The following PRKCB variants were observed in gnomAD, a reference collection of about 807,000 sequenced individuals.
The protein encoded by PRKCB is protein kinase C beta, also known as protein kinase C beta type.
In PRKCB, 13 loss-of-function variants were observed where a neutral mutation model predicts 81.5. The ratio of observed to expected loss-of-function variants is 0.16; its 90% confidence interval spans 0.10 to 0.25. The LOEUF is 0.25. Among genes scored for constraint, PRKCB ranks in the 10% least tolerant of loss-of-function variants. PRKCB has a pLI of 1.00. For missense variants in PRKCB, 509 were observed against 875.7 expected, an observed-to-expected ratio of 0.58 and a Z score of 5.29; for synonymous variants, 335 against 321.4, an observed-to-expected ratio of 1.04 and a Z score of -0.45.
intron 9 of PRKCB, among the ~76,000 whole-genome samples, chr16:24,148,245 A>G (rs150076556): frequency 6.6e-6 from 1 of 152,254 alleles, no homozygotes; most frequent in Non-Finnish European, 1.5e-5. Flanking sequence ...CAGCTTAACC[A>G]TCACTTCCCG....
In PRKCB at chr16:24,215,910, CA is replaced by C. The variant is rs1308346048; in HGVS notation, c.*1096del. 1.6e-5 allele frequency: 16 copies of C among 983,250 alleles called. No individual in the cohort carries two copies. The highest frequency in any genetic ancestry group is 1.9e-5 in the Non-Finnish European group (16 of 829,686). The allele number at this position is 983,250 out of a possible 1,614,324, so 60.9% of individuals were successfully genotyped here. A position where few individuals can be genotyped will look rare whatever the true frequency, so the allele number is the denominator to read the frequency against. ...TATTCCTCACTTTGATGTTGTTTTG[CA>C]AGATGTTTGTGGAAATGTTCATTTG... On this transcript the variant is annotated 3_prime_UTR_variant, in exon 17 of 17. Coordinates refer to ENST00000643927, the MANE Select transcript of PRKCB (RefSeq NM_002738.7).
intron 16 of PRKCB, among the ~76,000 whole-genome samples, chr16:24,209,817 A>T (rs1297245373): frequency 6.6e-6 from 1 of 151,806 alleles, no homozygotes; most frequent in Non-Finnish European, 1.5e-5. Flanking sequence ...TTAAATGTAA[A>T]TCAGGGCCAG....
chr16:24,154,095 G>T (rs962268309), intron 9 of PRKCB, among the ~76,000 whole-genome samples: 2 of 152,190 alleles, frequency 1.3e-5, no homozygotes, highest in African/African-American at 4.8e-5. Flanking sequence ...TTACCTTCTA[G>T]CTGGGCATTG....
At chr16:24,034,024 A>G (rs1267092545) in intron 4 of PRKCB, among the ~76,000 whole-genome samples, 4 of 152,172 alleles carry the variant, frequency 2.6e-5, no homozygotes, top group Non-Finnish European at 5.9e-5. Flanking sequence ...CAGAAGTGGG[A>G]CAGCAGAGAC....
intron 2 of PRKCB, among the ~76,000 whole-genome samples, chr16:23,837,770 T>G (rs560055678): frequency 6.6e-6 from 1 of 152,218 alleles, no homozygotes; most frequent in Non-Finnish European, 1.5e-5. Context: ...TCTCTGCCCA[T>G]GTCCCTTCCT....
chr16:24,178,426 C>T (rs974648317), intron 12 of PRKCB, among the ~76,000 whole-genome samples: 5 of 152,242 alleles, frequency 3.3e-5, no homozygotes, highest in Non-Finnish European at 5.9e-5. Context: ...GACTGCCTGG[C>T]TCTTGGCACC....
chr16:23,867,131 C>G (rs1256253621), intron 2 of PRKCB, among the ~76,000 whole-genome samples: 1 of 124,502 alleles, frequency 8.0e-6, no homozygotes, highest in Non-Finnish European at 1.9e-5. Context: ...CCTTTCCTTT[C>G]TTTCCTTTCT....
intron 2 of PRKCB, among the ~76,000 whole-genome samples, chr16:23,902,993 T>TC (rs1324425441): frequency 2.7e-5 from 1 of 37,156 alleles, no homozygotes; most frequent in African/African-American, 5.7e-5. Context: ...TCTTTTCTTT[T>TC]TTTTTTTTTT....
chr16:23,921,400 T>C (rs946495907), intron 2 of PRKCB, among the ~76,000 whole-genome samples: 2 of 152,186 alleles, frequency 1.3e-5, no homozygotes, highest in African/African-American at 2.4e-5. Context: ...CATTAAGGTA[T>C]TGGGGACTTA....
At chr16:23,838,344 C>T (rs1962206079) in intron 2 of PRKCB, among the ~76,000 whole-genome samples, 2 of 152,206 alleles carry the variant, frequency 1.3e-5, no homozygotes, top group African/African-American at 4.8e-5. Context: ...GGGGAACAGC[C>T]TTACCATTTT....
At chr16:24,021,892 G>C (rs374487613) in intron 3 of PRKCB, among the ~76,000 whole-genome samples, 1 of 152,170 alleles carries the variant, frequency 6.6e-6, no homozygotes, top group Non-Finnish European at 1.5e-5. Flanking sequence ...CAATAAAATT[G>C]GTGGCAGTAA....
At position 23,875,517 on chromosome 16, in the gene PRKCB, A is replaced by G. The variant is rs1248009533; in HGVS notation, c.205+38111A>G. Among the ~76,000 whole-genome samples the G allele has an allele frequency of 1.3e-4, 15 of 112,022 alleles. 1 individual carries two copies. Among genetic ancestry groups the G allele is most frequent in the African/African-American group, 3.8e-4 (14 of 36,606 alleles). The allele number at this position is 112,022 out of a possible 152,430, so 73.5% of individuals were successfully genotyped here. On this transcript the variant is annotated intron_variant, in intron 2 of 16. Transcript: ENST00000643927. ...TATATATATATATATGATGTATATC[A>G]CACACATATGTGTATATCACACACA...
At chr16:23,842,865 AT>A (rs1006734335) in intron 2 of PRKCB, among the ~76,000 whole-genome samples, 2 of 152,210 alleles carry the variant, frequency 1.3e-5, no homozygotes, top group Non-Finnish European at 2.9e-5. Context: ...GCACTTTTTT[AT>A]ATCACAAAAA....
chr16:24,160,581 A>C (rs7196483), intron 10 of PRKCB, among the ~76,000 whole-genome samples: 4,709 of 152,300 alleles, frequency 0.031, 252 homozygotes, highest in African/African-American at 0.11. Flanking sequence ...TATTTCAACA[A>C]AGACTTATTC....
chr16:24,211,052 C>T (rs1011802926), intron 16 of PRKCB, among the ~76,000 whole-genome samples: 13 of 151,962 alleles, frequency 8.6e-5, no homozygotes, highest in Admixed American at 7.9e-4. Context: ...GTGAGTTTAC[C>T]GAGGGGTCAT....
At chr16:24,162,340 G>A (rs1162220729) in intron 10 of PRKCB, among the ~76,000 whole-genome samples, 1 of 151,892 alleles carries the variant, frequency 6.6e-6, no homozygotes. Context: ...GGTGGCTCTG[G>A]CTGTTGTCTC....
intron 13 of PRKCB, among the ~76,000 whole-genome samples, chr16:24,182,579 T>G (rs1967642854): frequency 2.0e-5 from 3 of 152,098 alleles, no homozygotes; most frequent in African/African-American, 7.2e-5. Context: ...ACTTCAAGTC[T>G]TATTTGATCC....
rs554303989 is a variant in PRKCB, at chr16:24,217,043, T to C, written c.*2227T>C. On this transcript the variant is annotated 3_prime_UTR_variant, in exon 17 of 17. Transcript: ENST00000643927. ...GGAGAAACACTAGGCCATTGACAAA[T>C]GATCTGAGACAACTTTAGAAAACAA... The C allele has an allele frequency of 4.5e-4, 439 of 978,584 alleles. 1 individual carries two copies. Among genetic ancestry groups the C allele is most frequent in the Non-Finnish European group, 4.7e-4 (390 of 828,754 alleles). The allele number at this position is 978,584 out of a possible 1,614,324, so 60.6% of individuals were successfully genotyped here.
intron 3 of PRKCB, among the ~76,000 whole-genome samples, chr16:24,000,351 C>T (rs943852089): frequency 9.2e-5 from 14 of 152,174 alleles, no homozygotes; most frequent in African/African-American, 1.2e-4. Flanking sequence ...GACTTAACCA[C>T]CTCTAGCTAT....
Sources: gnomAD v4.1 joint callset for allele counts (sites outside exome capture counted in the v4.1 genomes callset) on GRCh38, gnomAD v4.1.1 for gene constraint, MANE v1.5 for transcripts, NCBI Gene and HGNC (gene_info 2026-07-23, HGNC 2026-07-21) for gene names.